KHDRBS2: variants seen among roughly 807,000 people sequenced by gnomAD.
KHDRBS2 encodes the protein KH domain-containing, RNA-binding, signal transduction-associated protein 2.
A neutral mutation model predicts 44.3 loss-of-function variants in KHDRBS2; 26 were observed. The ratio of observed to expected loss-of-function variants is 0.59; its 90% CI spans 0.43 to 0.81. The LOEUF (loss-of-function observed/expected upper bound fraction) is 0.81. Among genes scored for constraint, KHDRBS2 ranks in the 40% least tolerant of loss-of-function variants. The pLI is 0.00. For synonymous variants in KHDRBS2, 194 were observed against 151.1 expected, an observed-to-expected ratio of 1.28 and a Z score of -2.08; for missense variants, 476 against 433.1, an observed-to-expected ratio of 1.10 and a Z score of -0.88.
intron 7 of KHDRBS2, among the ~76,000 whole-genome samples, chr6:61,719,597 G>A (rs1772032552): frequency 1.3e-5 from 2 of 151,974 alleles, no homozygotes; most frequent in South Asian, 4.2e-4. Flanking sequence ...TGTAATACTA[G>A]CCCTGCAATT....
At chr6:62,196,658 ACT>A (rs1360995628) in intron 1 of KHDRBS2, among the ~76,000 whole-genome samples, 1 of 151,984 alleles carries the variant, frequency 6.6e-6, no homozygotes, top group Non-Finnish European at 1.5e-5. Flanking sequence ...CTTCTTGGAA[ACT>A]CTTCAGACTT....
At chr6:62,158,706 G>A (rs1322676296) in intron 2 of KHDRBS2, among the ~76,000 whole-genome samples, 1 of 152,080 alleles carries the variant, frequency 6.6e-6, no homozygotes, top group Non-Finnish European at 1.5e-5. Flanking sequence ...AGAGTAGGAA[G>A]ATAAATCTTA....
intron 3 of KHDRBS2, among the ~76,000 whole-genome samples, chr6:61,994,897 T>C (rs1250121560): frequency 6.6e-6 from 1 of 151,892 alleles, no homozygotes; most frequent in Non-Finnish European, 1.5e-5. Flanking sequence ...TGAAGCAGTA[T>C]TGCAGGCACA....
chr6:62,114,302 T>C (rs1175099734), intron 2 of KHDRBS2, among the ~76,000 whole-genome samples: 2 of 152,124 alleles, frequency 1.3e-5, no homozygotes, highest in Admixed American at 1.3e-4. Flanking sequence ...GCATAAAACA[T>C]TTATTTGTAT....
intron 2 of KHDRBS2, among the ~76,000 whole-genome samples, chr6:62,132,462 C>T (rs1419841893): frequency 1.2e-4 from 18 of 152,128 alleles, no homozygotes; most frequent in Admixed American, 1.2e-3. Flanking sequence ...GGATGGAGAC[C>T]AATATCTTGT....
intron 4 of KHDRBS2, 55 bp from the exon 5 acceptor site, chr6:61,901,426 T>G: frequency 7.2e-7 from 1 of 1,384,288 alleles, no homozygotes; most frequent in Admixed American, 2.5e-5. Context: ...GTTCTCAGAG[T>G]TGGAAAAAAA....
chr6:62,089,011 T>C (rs1298383174), intron 2 of KHDRBS2, among the ~76,000 whole-genome samples: 6 of 152,072 alleles, frequency 3.9e-5, no homozygotes, highest in Non-Finnish European at 8.8e-5. Context: ...GGCAGCTTTG[T>C]TTACACTGTG....
intron 2 of KHDRBS2, among the ~76,000 whole-genome samples, chr6:62,105,261 C>T (rs529127645): frequency 6.6e-6 from 1 of 152,178 alleles, no homozygotes; most frequent in East Asian, 1.9e-4. Flanking sequence ...CAAGAAACAC[C>T]CATCTCATTC....
intron 4 of KHDRBS2, among the ~76,000 whole-genome samples, chr6:61,925,426 T>G (rs1041065035): frequency 6.6e-6 from 1 of 152,128 alleles, no homozygotes; most frequent in Non-Finnish European, 1.5e-5. Context: ...TCAAGCAATT[T>G]ATAGTTTGGT....
chr6:61,696,094 G>A (rs1767869835), intron 8 of KHDRBS2, among the ~76,000 whole-genome samples: 1 of 151,878 alleles, frequency 6.6e-6, no homozygotes. Context: ...CAATCCTCCT[G>A]TCTCAGCCTC....
At chr6:61,581,421 A>C in the KHDRBS2 span, among the ~76,000 whole-genome samples, 1 of 151,634 alleles carries the variant, frequency 6.6e-6, no homozygotes, top group Non-Finnish European at 1.5e-5. Context: ...TATATAAAAA[A>C]CAGCAAAAAT....
intron 6 of KHDRBS2, among the ~76,000 whole-genome samples, chr6:61,770,575 A>C (rs1400055779): frequency 6.6e-6 from 1 of 152,218 alleles, no homozygotes; most frequent in African/African-American, 2.4e-5. Context: ...CAACTGGAAG[A>C]AAGGGTATCA....
At chr6:61,674,433 T>A in the KHDRBS2 span, among the ~76,000 whole-genome samples, 1 of 151,730 alleles carries the variant, frequency 6.6e-6, no homozygotes, top group Non-Finnish European at 1.5e-5. Context: ...TTGCTATACA[T>A]CTTAGCAGTG....
At chr6:62,048,994 T>A (rs549732685) in intron 2 of KHDRBS2, among the ~76,000 whole-genome samples, 2 of 151,942 alleles carry the variant, frequency 1.3e-5, no homozygotes, top group South Asian at 4.1e-4. Context: ...TCTCTTCTCT[T>A]TTTTCTTTCT....
the KHDRBS2 span, among the ~76,000 whole-genome samples, chr6:61,565,584 T>A: frequency 3.9e-5 from 6 of 152,022 alleles, no homozygotes; most frequent in South Asian, 1.0e-3. Context: ...TCACTAATAA[T>A]CAGAGAAATG....
At chr6:61,804,384 TG>T (rs1266491036) in intron 6 of KHDRBS2, among the ~76,000 whole-genome samples, 1 of 152,144 alleles carries the variant, frequency 6.6e-6, no homozygotes, top group Middle Eastern at 3.2e-3. Flanking sequence ...GCTGTGTTCA[TG>T]GGCTGGCATT....
At position 61,851,928 on chromosome 6, in the gene KHDRBS2, G is replaced by A. The variant is rs16900094; in HGVS notation, c.810+42707C>T. 8.8e-3 allele frequency among the ~76,000 whole-genome samples: 1,341 copies of A among 152,232 alleles called. 18 individuals carry two copies. The highest frequency in any genetic ancestry group is 0.031 in the African/African-American group (1,284 of 41,540). On this transcript the variant is annotated intron_variant, in intron 6 of 8. Transcript: ENST00000281156. ...AAAATGTGCATATTCTGAATTAAAC[G>A]AATGTAAACCAGGCTGGGTGCAGTG...
chr6:62,165,599 G>A (rs1288361015), intron 2 of KHDRBS2, among the ~76,000 whole-genome samples: 3 of 151,794 alleles, frequency 2.0e-5, no homozygotes, highest in Non-Finnish European at 4.4e-5. Flanking sequence ...TATGCTGATA[G>A]ATGTGTGCTA....
chr6:61,845,721 G>A (rs1459409797), intron 6 of KHDRBS2, among the ~76,000 whole-genome samples: 1 of 152,228 alleles, frequency 6.6e-6, no homozygotes, highest in Non-Finnish European at 1.5e-5. Context: ...GGTGGTGAAC[G>A]TGGAGAGAAT....
Sources: allele counts gnomAD v4.1 joint callset (sites outside exome capture counted in the v4.1 genomes callset), GRCh38; gene constraint gnomAD v4.1.1; transcripts MANE v1.5; gene names NCBI Gene and HGNC (gene_info 2026-07-23, HGNC 2026-07-21).